The following KIAA1549L variants were observed in gnomAD, a reference collection of about 807,000 sequenced individuals.
KIAA1549L encodes the protein UPF0606 protein KIAA1549L.
KIAA1549L carries 88 observed loss-of-function variants against 160.7 expected under a neutral mutation model. The ratio of observed to expected loss-of-function variants is 0.55; its 90% CI spans 0.46 to 0.65. The LOEUF (loss-of-function observed/expected upper bound fraction) is 0.65. KIAA1549L is among the 30% of genes least tolerant of loss of function. The pLI is 0.00. For missense variants in KIAA1549L, 2,258 were observed against 2,437.5 expected (o/e 0.93, Z 1.55); for synonymous variants, 950 against 976.7 (o/e 0.97, Z 0.51).
chr11:33,516,394 G>A lies in KIAA1549L; in HGVS notation c.239-25408G>A, dbSNP rs1344192497. ...TCTCGATCTCCTGACCTCGTGATCC[G>A]CCCGCCTCGGCCTCCCAAAGTGCTG... On this transcript the variant is annotated intron_variant, in intron 1 of 20. Transcript: ENST00000658780. Among the ~76,000 whole-genome samples, 17 of 15,488 alleles carry A rather than the reference G, an allele frequency of 1.1e-3. 6 individuals carry two copies. The highest frequency in any genetic ancestry group is 6.8e-3 in the South Asian group (5 of 740). The allele number at this position is 15,488 out of a possible 152,430, so 10.2% of individuals were successfully genotyped here. A position where few individuals can be genotyped will look rare whatever the true frequency, so the allele number is the denominator to read the frequency against.
At chr11:33,405,431 A>C (rs1318726563) in intron 1 of KIAA1549L, among the ~76,000 whole-genome samples, 5 of 152,158 alleles carry the variant, frequency 3.3e-5, no homozygotes, top group African/African-American at 1.2e-4. Flanking sequence ...CAGAATTAAA[A>C]ACAGCTGCTG....
At chr11:33,628,125 T>G (rs987414422) in intron 16 of KIAA1549L, among the ~76,000 whole-genome samples, 1 of 151,318 alleles carries the variant, frequency 6.6e-6, no homozygotes, top group Non-Finnish European at 1.5e-5. Flanking sequence ...TGAGTTCTAG[T>G]TTGATTGCAC....
chr11:33,435,759 G>GAGATATATATATAT lies in KIAA1549L; in HGVS notation c.238+58871_238+58872insGATATATATATATA, dbSNP rs1429879805. ...CCTTCCAGAGAAACAGAACCAATAA[G>GAGATATATATATAT]ATATATATATATATATATATATATA... On this transcript the variant is annotated intron_variant, in intron 1 of 20. Coordinates refer to ENST00000658780, the MANE Select transcript of KIAA1549L (RefSeq NM_012194.3). Among the ~76,000 whole-genome samples the GAGATATATATATAT allele has an allele frequency of 2.9e-3, 43 of 14,978 alleles. 10 individuals are homozygous for GAGATATATATATAT. Among genetic ancestry groups the GAGATATATATATAT allele is most frequent in the Admixed American group, 5.3e-3 (5 of 950 alleles). 9.8% of individuals were successfully genotyped at this position (14,978 alleles called of 152,430 possible).
At chr11:33,470,118 A>T (rs982514095) in intron 1 of KIAA1549L, among the ~76,000 whole-genome samples, 2 of 152,100 alleles carry the variant, frequency 1.3e-5, no homozygotes, top group African/African-American at 4.8e-5. Flanking sequence ...ATTTACTCCT[A>T]TGTTTTCTTC....
intron 1 of KIAA1549L, among the ~76,000 whole-genome samples, chr11:33,471,794 G>A (rs1852183349): frequency 6.6e-6 from 1 of 152,186 alleles, no homozygotes; most frequent in Non-Finnish European, 1.5e-5. Flanking sequence ...ATCTGGCATG[G>A]ACTCTGCAGG....
intron 2 of KIAA1549L, 69 bp from the exon 3 acceptor site, chr11:33,544,698 T>G: frequency 2.6e-6 from 4 of 1,522,802 alleles, no homozygotes; most frequent in Non-Finnish European, 3.5e-6. Context: ...GTTACATCCA[T>G]TCATCATCAG....
intron 17 of KIAA1549L, among the ~76,000 whole-genome samples, chr11:33,646,905 G>T (rs1297083205): frequency 1.3e-5 from 2 of 149,744 alleles, no homozygotes; most frequent in African/African-American, 2.5e-5. Context: ...ATTATTTTTA[G>T]AGACCAAAAA....
At chr11:33,577,819 A>C (rs1311311547) in intron 10 of KIAA1549L, among the ~76,000 whole-genome samples, 1 of 151,956 alleles carries the variant, frequency 6.6e-6, no homozygotes, top group East Asian at 1.9e-4. Flanking sequence ...GGTCCTTTGA[A>C]GCTCCCCTTC....
chr11:33,609,611 AGGTGGGCCT>A (rs1850593454), intron 14 of KIAA1549L, 129 bp from the exon 15 acceptor site: 1 of 651,396 alleles, frequency 1.5e-6, no homozygotes, highest in Non-Finnish European at 2.7e-6. Flanking sequence ...AATGGGATGC[AGGTGGGCCT>A]GGCTAGCTCA....
At chr11:33,435,352 T>C (rs1851331274) in intron 1 of KIAA1549L, among the ~76,000 whole-genome samples, 4 of 152,242 alleles carry the variant, frequency 2.6e-5, no homozygotes, top group Non-Finnish European at 4.4e-5. Context: ...ATTTGCTTTA[T>C]AGAAAGACAG....
At chr11:33,614,553 TATATATATATATATATATATA>T (rs1850740134) in intron 15 of KIAA1549L, among the ~76,000 whole-genome samples, 4 of 13,232 alleles carry the variant, frequency 3.0e-4, no homozygotes, top group African/African-American at 1.5e-3. Context: ...TATATATATA[TATATATATATATATATATATA>T]TATATATATA....
intron 1 of KIAA1549L, among the ~76,000 whole-genome samples, chr11:33,480,535 T>A (rs1292501626): frequency 1.3e-5 from 2 of 152,212 alleles, no homozygotes; most frequent in African/African-American, 4.8e-5. Flanking sequence ...GTGTATACTT[T>A]TAGAAGTGTA....
chr11:33,436,703 T>C (rs1048037346), intron 1 of KIAA1549L, among the ~76,000 whole-genome samples: 1 of 152,222 alleles, frequency 6.6e-6, no homozygotes, highest in Admixed American at 6.5e-5. Flanking sequence ...CAAGGTCACA[T>C]GCTGGTAATG....
chr11:33,599,989 T>C (rs993321264), intron 13 of KIAA1549L, among the ~76,000 whole-genome samples: 1 of 152,126 alleles, frequency 6.6e-6, no homozygotes, highest in Admixed American at 6.5e-5. Context: ...TTTTCAAATA[T>C]CACTTTTATT....
intron 8 of KIAA1549L, among the ~76,000 whole-genome samples, chr11:33,564,204 TAGC>T (rs1854971592): frequency 2.0e-5 from 3 of 152,134 alleles, no homozygotes; most frequent in Admixed American, 2.0e-4. Flanking sequence ...AACCCCTGGG[TAGC>T]CACCAACCAA....
rs779194165 is a variant in KIAA1549L at position 33,547,867 on chromosome 11, T to C, written c.3489T>C (p.Asp1163=). The change falls in exon 4 of 21, where the codon GAT becomes GAC. Residue 1163 remains aspartate, a synonymous_variant. Coordinates refer to ENST00000658780, the MANE Select transcript of KIAA1549L (RefSeq NM_012194.3). ...TGCGGAAGGCTTTCCACCAGAACGA[T>C]GTCTCAGCTCACGTAAGTGCTTTGC... ...QALRKAFHQN[D]VSAHVDILEY... is the part of the protein sequence containing the mutation. 1 of 1,610,918 alleles carries C rather than the reference T, an allele frequency of 6.2e-7. No homozygotes were observed. Among genetic ancestry groups the C allele is most frequent in the Non-Finnish European group, 8.5e-7 (1 of 1,177,502 alleles).
At chr11:33,452,444 A>G (rs750076824) in intron 1 of KIAA1549L, among the ~76,000 whole-genome samples, 30 of 152,092 alleles carry the variant, frequency 2.0e-4, no homozygotes, top group South Asian at 4.2e-4. Flanking sequence ...TGTCTCTACT[A>G]AAAATACAAA....
intron 17 of KIAA1549L, among the ~76,000 whole-genome samples, chr11:33,653,041 A>T (rs765596021): frequency 2.0e-5 from 3 of 152,272 alleles, no homozygotes; most frequent in Admixed American, 2.0e-4. Context: ...AGGCTGAATG[A>T]CATATCCAGA....
rs570116510 is a variant in KIAA1549L, at chr11:33,416,203, C to T, written c.238+39314C>T. Reference sequence around the variant, plus strand: ...CACCGCCTTCTTGGGCCACAGGACTCCTGAAGATAACGCTCATTGGTAACT... The same window carrying T: ...CACCGCCTTCTTGGGCCACAGGACTTCTGAAGATAACGCTCATTGGTAACT... On this transcript the variant is annotated intron_variant, in intron 1 of 20. Coordinates refer to ENST00000658780, the MANE Select transcript of KIAA1549L (RefSeq NM_012194.3). Among the ~76,000 whole-genome samples, 18 of 152,148 alleles carry T rather than the reference C, an allele frequency of 1.2e-4. No individual in the cohort carries two copies. In the South Asian group the frequency reaches 3.5e-3, roughly 30 times the overall value.
Sources: allele counts gnomAD v4.1 joint callset (sites outside exome capture counted in the v4.1 genomes callset), GRCh38; gene constraint gnomAD v4.1.1; transcripts MANE v1.5; gene names NCBI Gene and HGNC (gene_info 2026-07-23, HGNC 2026-07-21).